Variants in SAMMSON observed in about 807,000 individuals in gnomAD.
The protein encoded by SAMMSON is survival associated mitochondrial melanoma specific oncogenic non-coding RNA, also known as long intergenic non-protein coding RNA 1212.
At chr3:70,125,649 G>C (rs955732644) in intron 4 of SAMMSON, 7 of 699,466 alleles carry the variant, frequency 1.0e-5, no homozygotes, top group Non-Finnish European at 1.8e-5. Flanking sequence ...TAGATATATG[G>C]AATTCAATTC....
chr3:70,355,075 G>A (rs907657518), intron 8 of SAMMSON, among the ~76,000 whole-genome samples: 4 of 152,010 alleles, frequency 2.6e-5, no homozygotes, highest in Non-Finnish European at 5.9e-5. Flanking sequence ...CCTACCCCTG[G>A]CCAGTGCAAA....
chr3:70,126,630 C>G, intron 4 of SAMMSON: 1 of 350,884 alleles, frequency 2.8e-6, no homozygotes, highest in South Asian at 3.6e-5. Flanking sequence ...AAAAATTGGC[C>G]CAGAGACATG....
At chr3:70,045,560 A>G (rs1576107392) in intron 3 of SAMMSON, among the ~76,000 whole-genome samples, 1 of 151,722 alleles carries the variant, frequency 6.6e-6, no homozygotes, top group East Asian at 1.9e-4. Context: ...GAAAGTTGAT[A>G]TATATTTTCT....
chr3:70,255,995 C>T (rs1207386012), intron 6 of SAMMSON, among the ~76,000 whole-genome samples: 2 of 152,178 alleles, frequency 1.3e-5, no homozygotes, highest in Non-Finnish European at 2.9e-5. Context: ...TTTTCTTTCT[C>T]CACTGGCATT....
intron 3 of SAMMSON, among the ~76,000 whole-genome samples, chr3:70,024,105 C>G (rs755712122): frequency 6.6e-6 from 1 of 152,168 alleles, no homozygotes; most frequent in Non-Finnish European, 1.5e-5. Flanking sequence ...GGATTGCACT[C>G]TCATTATTCT....
intron 3 of SAMMSON, among the ~76,000 whole-genome samples, chr3:70,050,576 G>A (rs1192473157): frequency 1.3e-5 from 2 of 152,092 alleles, no homozygotes; most frequent in African/African-American, 4.8e-5. Flanking sequence ...TGACACATAG[G>A]CAATTAGAAG....
chr3:70,339,700 C>T (rs528633070), intron 7 of SAMMSON, among the ~76,000 whole-genome samples: 8 of 152,004 alleles, frequency 5.3e-5, no homozygotes, highest in Non-Finnish European at 8.8e-5. Context: ...AAAACCACAA[C>T]GAGATACCAT....
chr3:70,050,656 G>T (rs1018037738), intron 3 of SAMMSON, among the ~76,000 whole-genome samples: 1 of 152,116 alleles, frequency 6.6e-6, no homozygotes, highest in Admixed American at 6.5e-5. Context: ...AATCAGATTT[G>T]CTATGGATCT....
chr3:70,432,996 T>C (rs935488235), intron 2 of SAMMSON, among the ~76,000 whole-genome samples: 1 of 152,092 alleles, frequency 6.6e-6, no homozygotes, highest in Non-Finnish European at 1.5e-5. Context: ...ACTTGATAGC[T>C]TATTTCCTTT....
intron 3 of SAMMSON, among the ~76,000 whole-genome samples, chr3:70,044,859 TTTAA>T (rs1016709705): frequency 1.4e-4 from 20 of 147,512 alleles, no homozygotes; most frequent in East Asian, 7.8e-4. Flanking sequence ...TTTATATAAT[TTTAA>T]TTAAACTTTA....
intron 3 of SAMMSON, among the ~76,000 whole-genome samples, chr3:70,062,344 T>G (rs1237411783): frequency 6.6e-6 from 1 of 152,120 alleles, no homozygotes; most frequent in Non-Finnish European, 1.5e-5. Flanking sequence ...TAGAACCACA[T>G]GAGAATGCAC....
intron 7 of SAMMSON, among the ~76,000 whole-genome samples, chr3:70,317,160 A>T (rs1335468633): frequency 6.6e-6 from 1 of 152,002 alleles, no homozygotes; most frequent in African/African-American, 2.4e-5. Flanking sequence ...TATATTTCAC[A>T]TCTACACATG....
intron 4 of SAMMSON, among the ~76,000 whole-genome samples, chr3:70,088,842 G>A (rs2067295851): frequency 6.6e-6 from 1 of 152,176 alleles, no homozygotes. Context: ...ATAAGGTAGA[G>A]ATGATAAGAA....
intron 2 of SAMMSON, among the ~76,000 whole-genome samples, chr3:70,428,899 C>G (rs1024678579): frequency 6.6e-6 from 1 of 152,122 alleles, no homozygotes; most frequent in African/African-American, 2.4e-5. Context: ...AAGACTGGAG[C>G]TACAGTGATG....
intron 4 of SAMMSON, among the ~76,000 whole-genome samples, chr3:70,217,326 G>A (rs1448382864): frequency 6.6e-6 from 1 of 152,090 alleles, no homozygotes; most frequent in South Asian, 2.1e-4. Context: ...AATAAGCATT[G>A]TTGTCATGAT....
chr3:70,083,428 C>A (rs1418891669), intron 4 of SAMMSON, among the ~76,000 whole-genome samples: 1 of 152,138 alleles, frequency 6.6e-6, no homozygotes, highest in Non-Finnish European at 1.5e-5. Flanking sequence ...TCACCTCTAT[C>A]CCCGACTTCT....
chr3:70,232,066 A>G (rs1179850047), intron 4 of SAMMSON, among the ~76,000 whole-genome samples: 1 of 152,204 alleles, frequency 6.6e-6, no homozygotes, highest in Admixed American at 6.5e-5. Flanking sequence ...TTATTCTGAC[A>G]TAATGAACTG....
intron 9 of SAMMSON, among the ~76,000 whole-genome samples, chr3:70,383,805 G>A (rs970409984): frequency 1.6e-4 from 25 of 151,720 alleles, no homozygotes; most frequent in Admixed American, 1.3e-3. Context: ...TGCTACTAAC[G>A]CATTATTATT....
intron 7 of SAMMSON, among the ~76,000 whole-genome samples, chr3:70,303,225 C>A (rs1203710196): frequency 6.6e-6 from 1 of 152,074 alleles, no homozygotes; most frequent in Non-Finnish European, 1.5e-5. Flanking sequence ...ATCTATTCTC[C>A]CTTTATTCTG....
Sources: allele counts gnomAD v4.1 joint callset (sites outside exome capture counted in the v4.1 genomes callset), GRCh38; gene constraint gnomAD v4.1.1; transcripts MANE v1.5; gene names NCBI Gene and HGNC (gene_info 2026-07-23, HGNC 2026-07-21).